Variants in KAZN observed in about 807,000 individuals in gnomAD.
KAZN encodes the protein kazrin, periplakin interacting protein.
In KAZN, 40 loss-of-function variants were observed where a neutral mutation model predicts 87.4. That is an observed-to-expected ratio of 0.46 (90% CI 0.36 to 0.60). The LOEUF is 0.60. Ranked by LOEUF, KAZN falls within the 20% of genes least tolerant of loss-of-function variation. The probability of loss-of-function intolerance (pLI) is 0.00; values close to 1 mark genes in which losing one functional copy is unlikely to be tolerated. For synonymous variants in KAZN, 466 were observed against 458.3 expected, an observed-to-expected ratio of 1.02 and a Z score of -0.22; for missense variants, 898 against 1,073.9, an observed-to-expected ratio of 0.84 and a Z score of 2.29.
In KAZN at chr1:14,084,811, A is replaced by G. The variant is rs184442702; in HGVS notation, c.92-95624A>G. Among the ~76,000 whole-genome samples, 353 of 152,184 alleles carry G rather than the reference A, an allele frequency of 2.3e-3. 1 individual carries two copies. The highest frequency in any genetic ancestry group is 7.9e-3 in the African/African-American group (330 of 41,546). ...GAGTTAATGGGTGCAGCACACCAAC[A>G]TGGCACACGTATAGATATGTAACAA... On this transcript the variant is annotated intron_variant, in intron 1 of 16. Coordinates refer to the KAZN transcript ENST00000636203.
chr1:15,011,889 A>G (rs1259566425), intron 2 of KAZN, among the ~76,000 whole-genome samples: 1 of 152,084 alleles, frequency 6.6e-6, no homozygotes, highest in Non-Finnish European at 1.5e-5. Flanking sequence ...CGGGTGGTGG[A>G]CGCGGCCAGT....
intron 1 of KAZN, among the ~76,000 whole-genome samples, chr1:14,625,188 T>C (rs992612670): frequency 6.6e-6 from 1 of 152,154 alleles, no homozygotes; most frequent in African/African-American, 2.4e-5. Context: ...TCTTCTCTTT[T>C]TCCTTGAGCG....
In KAZN at chr1:14,820,765, G is replaced by T. The variant is rs2100824490; in HGVS notation, c.227-139919G>T. ...GAATAGTCATGGTTTGGTTTGAATG[G>T]AGTAGAAGATTCCAGAGGAAGAGCA... On this transcript the variant is annotated intron_variant, in intron 1 of 14. Transcript: ENST00000376030. This position sits in a 1 kb window ranked among gnomAD's most constrained non-coding sequence, Gnocchi z 4.1. Among the ~76,000 whole-genome samples the T allele has an allele frequency of 6.6e-6, 1 of 152,356 alleles. No individual in the cohort carries two copies. The highest frequency in any genetic ancestry group is 2.1e-4 in the South Asian group (1 of 4,832).
chr1:14,589,162 A>C (rs939020415), intron 2 of KAZN, among the ~76,000 whole-genome samples: 1 of 152,182 alleles, frequency 6.6e-6, no homozygotes, highest in Non-Finnish European at 1.5e-5. Context: ...AGTACCTACC[A>C]TCTTGCTACC....
At chr1:14,628,329 T>C (rs889826444) in intron 1 of KAZN, among the ~76,000 whole-genome samples, 5 of 152,232 alleles carry the variant, frequency 3.3e-5, no homozygotes, top group African/African-American at 1.2e-4. Context: ...CAGCCAGGAC[T>C]TTTTCAATGA....
chr1:14,262,474 G>A (rs1395757199), intron 2 of KAZN, among the ~76,000 whole-genome samples: 1 of 152,192 alleles, frequency 6.6e-6, no homozygotes, highest in African/African-American at 2.4e-5. Flanking sequence ...CATGTTGCTG[G>A]TCATGTTAGC....
At chr1:14,342,736 C>T (rs1657825703) in intron 2 of KAZN, among the ~76,000 whole-genome samples, 1 of 152,168 alleles carries the variant, frequency 6.6e-6, no homozygotes, top group African/African-American at 2.4e-5. Context: ...AGACAAGAGG[C>T]AAGTCAGCAC....
intron 2 of KAZN, among the ~76,000 whole-genome samples, chr1:14,358,783 G>A (rs1280446929): frequency 6.6e-6 from 1 of 151,762 alleles, no homozygotes; most frequent in Non-Finnish European, 1.5e-5. Flanking sequence ...ATCGTGGTCT[G>A]AGAGACTGTT....
At chr1:14,747,670 T>C (rs75251548) in intron 1 of KAZN, among the ~76,000 whole-genome samples, 12,883 of 152,310 alleles carry the variant, frequency 0.085, 1,100 homozygotes, top group African/African-American at 0.22. Flanking sequence ...TTATGAACAT[T>C]AAATACAAGT....
intron 1 of KAZN, among the ~76,000 whole-genome samples, chr1:14,706,806 G>A (rs1472018720): frequency 7.2e-5 from 11 of 152,104 alleles, no homozygotes; most frequent in Non-Finnish European, 1.6e-4. Context: ...GTTTCCTGCT[G>A]CCTGACTGAC....
upstream of KAZN, among the ~76,000 whole-genome samples, chr1:14,596,295 C>T (rs766738354): frequency 1.1e-4 from 14 of 128,360 alleles, no homozygotes; most frequent in African/African-American, 1.6e-4. Flanking sequence ...TGTGAGTGCA[C>T]GCACACGTGT....
At chr1:14,883,355 A>G (rs11580043) in intron 1 of KAZN, among the ~76,000 whole-genome samples, 1,391 of 20,536 alleles carry the variant, frequency 0.068, 256 homozygotes, top group East Asian at 0.21. Context: ...AGAAAGAAAG[A>G]AAAGAAAGAA....
intron 1 of KAZN, among the ~76,000 whole-genome samples, chr1:14,689,005 A>G (rs548923006): frequency 2.0e-5 from 3 of 152,200 alleles, no homozygotes; most frequent in African/African-American, 7.2e-5. Flanking sequence ...ACCAGCCTGG[A>G]CAACATGACA....
chr1:15,047,010 G>A (rs766053149), intron 4 of KAZN, among the ~76,000 whole-genome samples: 16 of 152,204 alleles, frequency 1.1e-4, no homozygotes, highest in South Asian at 4.1e-4. Context: ...CTCCCACTGC[G>A]TCTGGACACT....
intron 1 of KAZN, among the ~76,000 whole-genome samples, chr1:14,723,059 G>A (rs987580686): frequency 7.2e-5 from 11 of 152,116 alleles, no homozygotes; most frequent in African/African-American, 1.9e-4. Context: ...CCGGGAAGTC[G>A]AGGCTGCCCT....
chr1:14,383,832 G>T (rs1369454968), intron 2 of KAZN, among the ~76,000 whole-genome samples: 71 of 151,666 alleles, frequency 4.7e-4, no homozygotes, highest in African/African-American at 1.6e-3. Flanking sequence ...CTTTAAAGTA[G>T]TTTTTCCAAT....
chr1:14,131,590 G>A (rs1644993708), intron 1 of KAZN, among the ~76,000 whole-genome samples: 1 of 152,022 alleles, frequency 6.6e-6, no homozygotes, highest in Non-Finnish European at 1.5e-5. Context: ...TATTGACTGT[G>A]AGGCGGCGCT....
chr1:13,944,698 C>T (rs1393185668), intron 1 of KAZN, among the ~76,000 whole-genome samples: 2 of 152,058 alleles, frequency 1.3e-5, no homozygotes, highest in Non-Finnish European at 2.9e-5. Context: ...GTGTCATTAT[C>T]TCTATGGTAA....
chr1:14,513,904 T>TA (rs200786540), intron 2 of KAZN, among the ~76,000 whole-genome samples: 60 of 149,996 alleles, frequency 4.0e-4, no homozygotes, highest in East Asian at 2.7e-3. Flanking sequence ...CTTTAATTTC[T>TA]AAAAAAAAAA....
Sources: gnomAD v4.1 joint callset for allele counts (sites outside exome capture counted in the v4.1 genomes callset) on GRCh38, gnomAD v4.1.1 for gene constraint, Gnocchi (gnomAD v3.1) non-coding constraint, MANE v1.5 for transcripts, NCBI Gene and HGNC (gene_info 2026-07-23, HGNC 2026-07-21) for gene names.